Variants in CSRNP3 observed in about 807,000 individuals in gnomAD.
CSRNP3 encodes cysteine/serine-rich nuclear protein 3.
CSRNP3 carries 12 observed loss-of-function variants against 48.0 expected under a neutral mutation model. The observed-to-expected ratio is 0.25, with a 90% confidence interval of 0.16 to 0.41. The LOEUF (loss-of-function observed/expected upper bound fraction) is 0.41. Ranked by LOEUF, CSRNP3 falls within the 10% of genes least tolerant of loss-of-function variation. The pLI, the probability that CSRNP3 is intolerant of heterozygous loss-of-function variation, is 1.00. For missense variants in CSRNP3, 580 were observed against 724.4 expected (o/e 0.80, Z 2.29); for synonymous variants, 263 against 269.7 (o/e 0.98, Z 0.24).
chr2:165,519,599 T>C (rs1335425850), intron 3 of CSRNP3, among the ~76,000 whole-genome samples: 1 of 152,176 alleles, frequency 6.6e-6, no homozygotes, highest in East Asian at 1.9e-4. Flanking sequence ...TGCCTCATTG[T>C]GCCATTAGAG....
chr2:165,612,440 C>G (rs1446217974), intron 4 of CSRNP3, among the ~76,000 whole-genome samples: 1 of 152,026 alleles, frequency 6.6e-6, no homozygotes, highest in African/African-American at 2.4e-5. Context: ...AAAATCCTCT[C>G]TTGTAGCTTT....
At chr2:165,545,532 A>T (rs1440521456) in intron 3 of CSRNP3, among the ~76,000 whole-genome samples, 1 of 152,114 alleles carries the variant, frequency 6.6e-6, no homozygotes, top group East Asian at 1.9e-4. Context: ...GAACAGTTCA[A>T]AAAGTCCAAA....
intron 3 of CSRNP3, among the ~76,000 whole-genome samples, chr2:165,526,025 A>T (rs1684728484): frequency 6.6e-6 from 1 of 152,096 alleles, no homozygotes; most frequent in Admixed American, 6.5e-5. Context: ...TTGACTTTGC[A>T]TTTTTGTCAG....
chr2:165,603,477 G>A lies in CSRNP3; in HGVS notation c.148+8264G>A, dbSNP rs145739724. Among the ~76,000 whole-genome samples the A allele has an allele frequency of 2.8e-4, 43 of 152,174 alleles. 1 individual carries two copies. In the East Asian group the frequency reaches 8.1e-3, roughly 29 times the overall value. Reference sequence around the variant, plus strand: ...TCTCCTTCTGAAATACTCAATTCCAGTATTACAAATTCAGATCATAACCTC... The same window carrying A: ...TCTCCTTCTGAAATACTCAATTCCAATATTACAAATTCAGATCATAACCTC... On this transcript the variant is annotated intron_variant, in intron 4 of 6. Coordinates refer to ENST00000651982, the MANE Select transcript of CSRNP3 (RefSeq NM_001172173.2).
intron 3 of CSRNP3, among the ~76,000 whole-genome samples, chr2:165,590,639 C>T (rs1276017116): frequency 1.3e-5 from 2 of 152,112 alleles, no homozygotes; most frequent in African/African-American, 4.8e-5. Flanking sequence ...TACCTTCATG[C>T]TGTTCTTGTG....
At chr2:165,534,048 A>G (rs1487699080) in intron 3 of CSRNP3, among the ~76,000 whole-genome samples, 2 of 152,094 alleles carry the variant, frequency 1.3e-5, no homozygotes, top group Admixed American at 6.6e-5. Flanking sequence ...AAGTAAAGAA[A>G]GAAAATAAGG....
chr2:165,617,877 C>T (rs1489319629), intron 4 of CSRNP3, among the ~76,000 whole-genome samples: 1 of 152,174 alleles, frequency 6.6e-6, no homozygotes, highest in Non-Finnish European at 1.5e-5. Flanking sequence ...GCAGCTGAAG[C>T]ACTGGGTCCA....
intron 4 of CSRNP3, among the ~76,000 whole-genome samples, chr2:165,612,297 C>T (rs1686151149): frequency 6.6e-6 from 1 of 151,876 alleles, no homozygotes; most frequent in African/African-American, 2.4e-5. Flanking sequence ...TACTATATGA[C>T]CTGCATTAAT....
chr2:165,559,442 G>C (rs1299446503), intron 3 of CSRNP3, among the ~76,000 whole-genome samples: 1 of 152,058 alleles, frequency 6.6e-6, no homozygotes, highest in Non-Finnish European at 1.5e-5. Context: ...TTAATTTTTA[G>C]CTTTCTAACT....
chr2:165,609,391 G>C (rs1207460708), intron 4 of CSRNP3, among the ~76,000 whole-genome samples: 3 of 145,118 alleles, frequency 2.1e-5, no homozygotes, highest in Non-Finnish European at 4.5e-5. Context: ...CTCGGGAGAT[G>C]GAGCTGGCAA....
intron 4 of CSRNP3, among the ~76,000 whole-genome samples, chr2:165,636,304 G>T (rs1264628681): frequency 6.6e-6 from 1 of 152,166 alleles, no homozygotes; most frequent in Admixed American, 6.5e-5. Flanking sequence ...AAATATGAAT[G>T]CATGTGTGCA....
chr2:165,688,128 G>C lies in CSRNP3; in HGVS notation c.*8375G>C, dbSNP rs903198780. 1.3e-5 allele frequency: 2 copies of C among 151,778 alleles called. No individual in the cohort carries two copies. Among genetic ancestry groups the C allele is most frequent in the African/African-American group, 4.8e-5 (2 of 41,304 alleles). The allele number at this position is 151,778 out of a possible 1,614,324, so 9.4% of individuals were successfully genotyped here. A position where few individuals can be genotyped will look rare whatever the true frequency, so the allele number is the denominator to read the frequency against. On this transcript the variant is annotated 3_prime_UTR_variant, in exon 7 of 7. Transcript: ENST00000651982. ...TGGCCCATGTTTTAATTGACTCTAG[G>C]CACCTCTATTGAAATAAGTCTGAGG...
At position 165,686,128 on chromosome 2, in the gene CSRNP3, A is replaced by C. The variant is rs1158184963; in HGVS notation, c.*6375A>C. 2.0e-5 allele frequency: 3 copies of C among 151,680 alleles called. No individual in the cohort carries two copies. The highest frequency in any genetic ancestry group is 6.6e-5 in the Admixed American group (1 of 15,188). The allele number at this position is 151,680 out of a possible 1,614,324, so 9.4% of individuals were successfully genotyped here. A position where few individuals can be genotyped will look rare whatever the true frequency, so the allele number is the denominator to read the frequency against. ...TCCCAATATTTTTATCTGTCTTGGG[A>C]TTATCTTAAAAGGTATTTATTAATG... is the stretch of plus-strand genomic sequence containing the variant. On this transcript the variant is annotated 3_prime_UTR_variant, in exon 7 of 7. Coordinates refer to ENST00000651982, the MANE Select transcript of CSRNP3 (RefSeq NM_001172173.2).
intron 4 of CSRNP3, among the ~76,000 whole-genome samples, chr2:165,596,539 A>C (rs372444741): frequency 1.3e-5 from 2 of 152,212 alleles, no homozygotes; most frequent in East Asian, 3.8e-4. Context: ...TTAAGCAAGC[A>C]CAACTAATTA....
intron 2 of CSRNP3, among the ~76,000 whole-genome samples, chr2:165,502,014 G>A (rs1358074257): frequency 3.3e-5 from 5 of 151,934 alleles, no homozygotes; most frequent in Admixed American, 6.6e-5. Flanking sequence ...TAGAGCTGAC[G>A]TATTTAATAT....
intron 3 of CSRNP3, chr2:165,574,408 G>A: frequency 1.3e-6 from 2 of 1,549,694 alleles, no homozygotes; most frequent in Non-Finnish European, 8.7e-7. Flanking sequence ...CGTGTGTGCC[G>A]TAGTCGTTAT....
At chr2:165,670,903 A>AAAAAAG (rs1687317329) in intron 5 of CSRNP3, among the ~76,000 whole-genome samples, 1 of 152,174 alleles carries the variant, frequency 6.6e-6, no homozygotes, top group Admixed American at 6.5e-5. Flanking sequence ...TTTTTTGAAA[A>AAAAAAG]AAAAAGAAAA....
At chr2:165,590,816 A>G (rs961970801) in intron 3 of CSRNP3, among the ~76,000 whole-genome samples, 7 of 152,180 alleles carry the variant, frequency 4.6e-5, no homozygotes, top group African/African-American at 1.7e-4. Context: ...CTGTGAGTCA[A>G]TTAAACCTCT....
chr2:165,678,118 C>A (rs1687458942), intron 6 of CSRNP3, among the ~76,000 whole-genome samples: 1 of 152,084 alleles, frequency 6.6e-6, no homozygotes. Flanking sequence ...AGAAGGTAAG[C>A]AAATGAGAGC....
Sources: allele counts gnomAD v4.1 joint callset (sites outside exome capture counted in the v4.1 genomes callset), GRCh38; gene constraint gnomAD v4.1.1; transcripts MANE v1.5; gene names NCBI Gene and HGNC (gene_info 2026-07-23, HGNC 2026-07-21).